The following RAPH1 variants were observed in gnomAD, a reference collection of about 807,000 sequenced individuals.
RAPH1 encodes ras-associated and pleckstrin homology domains-containing protein 1.
Under a neutral mutation model 88.1 loss-of-function variants are expected in RAPH1, and 18 were observed. That is an observed-to-expected ratio of 0.20 (90% CI 0.14 to 0.30). RAPH1 has a LOEUF of 0.30. Ranked by LOEUF, RAPH1 falls within the 10% of genes least tolerant of loss-of-function variation. The probability of loss-of-function intolerance (pLI) is 1.00; values close to 1 mark genes in which losing one functional copy is unlikely to be tolerated. For missense variants in RAPH1, 1,448 were observed against 1,543.2 expected, an observed-to-expected ratio of 0.94 and a Z score of 1.03; for synonymous variants, 587 against 559.0, an observed-to-expected ratio of 1.05 and a Z score of -0.71.
intron 6 of RAPH1, 32 bp from the exon 7 acceptor site, chr2:203,460,060 A>G: frequency 6.3e-7 from 1 of 1,578,050 alleles, no homozygotes; most frequent in African/African-American, 1.4e-5. Context: ...GTATTTTGTT[A>G]GTATTCATTA....
In RAPH1 at chr2:203,436,984, A is replaced by T. The variant is rs955230958; in HGVS notation, c.*2453T>A. 6 of 151,676 alleles carry T rather than the reference A, an allele frequency of 4.0e-5. No individual in the cohort carries two copies. The highest frequency in any genetic ancestry group is 7.4e-5 in the Non-Finnish European group (5 of 68,008). 9.4% of individuals were successfully genotyped at this position (151,676 alleles called of 1,614,324 possible). ...TCTGTCTGTGGAGGAATGTAAAGGG[A>T]AATGGCCTGTTGTCGGACAAGCCAC... On this transcript the variant is annotated 3_prime_UTR_variant, in exon 14 of 14. Transcript: ENST00000319170.
At chr2:203,507,127 C>T (rs1383249188) in intron 1 of RAPH1, among the ~76,000 whole-genome samples, 2 of 150,650 alleles carry the variant, frequency 1.3e-5, no homozygotes, top group African/African-American at 4.9e-5. Context: ...GAACTCCTGA[C>T]CTCAGGTGAT....
intron 13 of RAPH1, chr2:203,442,098 A>G (rs1273520868): frequency 1.9e-6 from 3 of 1,592,388 alleles, no homozygotes; most frequent in Non-Finnish European, 2.6e-6. Flanking sequence ...ATACATAAAG[A>G]AATGCTTTGT....
At chr2:203,478,839 C>A (rs1256639617) in intron 4 of RAPH1, among the ~76,000 whole-genome samples, 1 of 152,160 alleles carries the variant, frequency 6.6e-6, no homozygotes, top group Admixed American at 6.5e-5. Context: ...ACCACAGTGC[C>A]CTAGGCGCTC....
chr2:203,534,569 C>G (rs1189922425), intron 1 of RAPH1, among the ~76,000 whole-genome samples: 1 of 133,584 alleles, frequency 7.5e-6, no homozygotes, highest in Non-Finnish European at 1.6e-5. Context: ...TAATACAGAC[C>G]GCAAGAGGAG....
At position 203,505,287 on chromosome 2, in the gene RAPH1, T is replaced by C. The variant is rs142245556; in HGVS notation, c.1-9934A>G. ...CATGGCTGGGGAGGCCTCAGAATCA[T>C]GGTGGGAGGCAAAAGGCACTTCTTA... is the stretch of plus-strand genomic sequence containing the variant. On this transcript the variant is annotated intron_variant, in intron 1 of 13. Transcript: ENST00000319170. Among the ~76,000 whole-genome samples, 234 of 152,242 alleles carry C rather than the reference T, an allele frequency of 1.5e-3. 6 individuals are homozygous for C. The East Asian group carries it at 0.04, about 26-fold the overall frequency.
intron 2 of RAPH1, among the ~76,000 whole-genome samples, chr2:203,492,883 G>C (rs1688334412): frequency 6.6e-6 from 1 of 151,570 alleles, no homozygotes; most frequent in Admixed American, 6.6e-5. Context: ...CCCTCTTCCA[G>C]AAAAATGCAC....
chr2:203,492,916 TA>T (rs1688336425), intron 2 of RAPH1, among the ~76,000 whole-genome samples: 1 of 152,162 alleles, frequency 6.6e-6, no homozygotes, highest in African/African-American at 2.4e-5. Context: ...CTTTACAAAC[TA>T]TTTTAGAAGA....
At chr2:203,518,536 AAAC>A (rs1417780607) in intron 1 of RAPH1, among the ~76,000 whole-genome samples, 1 of 93,938 alleles carries the variant, frequency 1.1e-5, no homozygotes, top group Non-Finnish European at 2.6e-5. Context: ...AAAAACAAAA[AAAC>A]AAAAAAAAAA....
In RAPH1 at chr2:203,524,885, A is replaced by T. The variant is rs538084079; in HGVS notation, c.-1+10226T>A. Among the ~76,000 whole-genome samples the T allele has an allele frequency of 9.7e-4, 147 of 152,322 alleles. 2 individuals are homozygous for T. In the South Asian group the frequency reaches 0.027, roughly 28 times the overall value. On this transcript the variant is annotated intron_variant, in intron 1 of 13. Transcript: ENST00000319170. ...TTATACCTCAGTAAGGCAATAAAAA[A>T]TTTTTTAAAGAAACAAGCAACCTAA...
intron 4 of RAPH1, among the ~76,000 whole-genome samples, chr2:203,468,873 C>A (rs2098530790): frequency 6.6e-6 from 1 of 152,100 alleles, no homozygotes; most frequent in African/African-American, 2.4e-5. Flanking sequence ...GTAAATCCTA[C>A]AGATTAACAC....
At chr2:203,520,601 TG>T (rs1211681141) in intron 1 of RAPH1, among the ~76,000 whole-genome samples, 2 of 151,366 alleles carry the variant, frequency 1.3e-5, no homozygotes, top group African/African-American at 4.9e-5. Flanking sequence ...CACTCCAGCC[TG>T]GGCAACAAGA....
chr2:203,490,022 C>T lies in RAPH1; in HGVS notation c.294G>A (p.Gln98=). The change falls in exon 4 of 14, where the codon CAG becomes CAA. Residue 98 remains glutamine (Q), a synonymous_variant. Coordinates refer to ENST00000319170, the MANE Select transcript of RAPH1 (RefSeq NM_213589.3). ...ALMADLCSIE[Q]ELSSIGSGNS... Reference sequence around the variant, plus strand: ...TTCCTGAACCAATGCTGCTGAGCTCCTGCTCTATAGAGCAAAGATCAGCCA... The same window carrying T: ...TTCCTGAACCAATGCTGCTGAGCTCTTGCTCTATAGAGCAAAGATCAGCCA... 1 of 1,613,950 alleles carries T rather than the reference C, an allele frequency of 6.2e-7. No homozygotes were observed. Among genetic ancestry groups the T allele is most frequent in the Middle Eastern group, 1.6e-4 (1 of 6,062 alleles).
rs1299689754 is a variant in RAPH1 at position 203,434,882 on chromosome 2, A to G, written c.*4555T>C. ...GAAAGCAGCCAGACCCCACGTGGGTAGTGATGTCTCTTGTGAGACACTTTT... is the reference window on the plus strand; with the variant it reads ...GAAAGCAGCCAGACCCCACGTGGGTGGTGATGTCTCTTGTGAGACACTTTT... On this transcript the variant is annotated 3_prime_UTR_variant, in exon 14 of 14. Transcript: ENST00000319170. 6.6e-6 allele frequency: 1 copy of G among 152,658 alleles called. No individual in the cohort carries two copies. The highest frequency in any genetic ancestry group is 2.4e-5 in the African/African-American group (1 of 41,450). 9.5% of individuals were successfully genotyped at this position (152,658 alleles called of 1,614,324 possible).
intron 12 of RAPH1, chr2:203,447,176 T>C (rs79899856): frequency 7.5e-6 from 1 of 132,692 alleles, no homozygotes; most frequent in Admixed American, 8.0e-5. Flanking sequence ...GGTTTTCTTT[T>C]CTTTCTTTTT....
intron 4 of RAPH1, among the ~76,000 whole-genome samples, chr2:203,470,497 G>A (rs2098532088): frequency 6.6e-6 from 1 of 152,188 alleles, no homozygotes. Flanking sequence ...AAGAAAAGGA[G>A]CAGGGAGGTA....
intron 10 of RAPH1, among the ~76,000 whole-genome samples, chr2:203,453,023 C>T (rs886740507): frequency 1.4e-4 from 22 of 152,144 alleles, no homozygotes; most frequent in Admixed American, 1.4e-3. Context: ...TAGAAAACTC[C>T]ACTATACATA....
At chr2:203,500,810 A>C (rs1688707790) in intron 1 of RAPH1, among the ~76,000 whole-genome samples, 1 of 152,216 alleles carries the variant, frequency 6.6e-6, no homozygotes, top group Admixed American at 6.5e-5. Flanking sequence ...TAAAACCATA[A>C]GGAAATCAGG....
chr2:203,505,679 A>G (rs1026719788), intron 1 of RAPH1, among the ~76,000 whole-genome samples: 1 of 152,138 alleles, frequency 6.6e-6, no homozygotes, highest in East Asian at 1.9e-4. Flanking sequence ...ATAAAAAACT[A>G]TAAAAACTGA....
Sources: gnomAD v4.1 joint callset for allele counts (sites outside exome capture counted in the v4.1 genomes callset) on GRCh38, gnomAD v4.1.1 for gene constraint, MANE v1.5 for transcripts, NCBI Gene and HGNC (gene_info 2026-07-23, HGNC 2026-07-21) for gene names.